Variants in FMNL2 observed in about 807,000 individuals in gnomAD.
FMNL2 encodes the protein formin-like protein 2.
FMNL2 carries 51 observed loss-of-function variants against 130.2 expected under a neutral mutation model. The observed-to-expected ratio is 0.39, with a 90% CI of 0.31 to 0.49. The LOEUF (loss-of-function observed/expected upper bound fraction) is 0.49, where lower values mean the gene tolerates loss of function less well. Ranked by LOEUF, FMNL2 falls within the 20% of genes least tolerant of loss-of-function variation. The probability of loss-of-function intolerance (pLI) is 0.85; values close to 1 mark genes in which losing one functional copy is unlikely to be tolerated. For synonymous variants in FMNL2, 465 were observed against 467.1 expected (o/e 1.00, Z 0.06); for missense variants, 977 against 1,316.2 (o/e 0.74, Z 3.99).
chr2:152,607,013 T>G (rs561128394), intron 9 of FMNL2, among the ~76,000 whole-genome samples: 202 of 131,378 alleles, frequency 1.5e-3, no homozygotes, highest in African/African-American at 5.5e-3. Flanking sequence ...TTTGTTTTTT[T>G]TTTTTTTTTT....
rs186985007 is a variant in FMNL2 at position 152,363,570 on chromosome 2, T to C, written c.117+27850T>C. Among the ~76,000 whole-genome samples, 5 of 151,884 alleles carry C rather than the reference T, an allele frequency of 3.3e-5. No individual in the cohort carries two copies. In the East Asian group the frequency reaches 5.8e-4, roughly 18 times the overall value. On this transcript the variant is annotated intron_variant, in intron 1 of 25. Coordinates refer to ENST00000288670, the MANE Select transcript of FMNL2 (RefSeq NM_052905.4). ...GTGAGTTTTTTTCTTTTCTTTTTTT[T>C]TTCCCCCCCAAGACAGAGTCTCGCT...
At chr2:152,356,453 T>C (rs376795305) in intron 1 of FMNL2, among the ~76,000 whole-genome samples, 4 of 152,348 alleles carry the variant, frequency 2.6e-5, no homozygotes, top group South Asian at 2.1e-4. Flanking sequence ...TTTTGAATTA[T>C]GTTCATTGAA....
chr2:152,359,584 T>C (rs930393953), intron 1 of FMNL2, among the ~76,000 whole-genome samples: 1 of 151,290 alleles, frequency 6.6e-6, no homozygotes, highest in African/African-American at 2.4e-5. Context: ...GCTGGGGCAG[T>C]GGTGAGACAG....
In FMNL2 at chr2:152,335,461, C is replaced by G. The variant is rs1336309338; in HGVS notation, c.-143C>G. 4.3e-6 allele frequency: 2 copies of G among 460,482 alleles called. No individual in the cohort carries two copies. The highest frequency in any genetic ancestry group is 7.1e-6 in the Non-Finnish European group (2 of 281,362). The allele number at this position is 460,482 out of a possible 1,614,324, so 28.5% of individuals were successfully genotyped here. A position where few individuals can be genotyped will look rare whatever the true frequency, so the allele number is the denominator to read the frequency against. ...AGCGCTGCTAGGGAGCGGTGCGCGC[C>G]GCACACCCGCCTGGGCGCGGCGGAG... On this transcript the variant is annotated 5_prime_UTR_variant, in exon 1 of 26. Coordinates refer to ENST00000288670, the MANE Select transcript of FMNL2 (RefSeq NM_052905.4).
chr2:152,606,455 G>T (rs1559002375), intron 9 of FMNL2, among the ~76,000 whole-genome samples: 1 of 152,142 alleles, frequency 6.6e-6, no homozygotes, highest in Non-Finnish European at 1.5e-5. Context: ...GGTGGTGCCT[G>T]CTTGTAGTCC....
At chr2:152,500,548 A>G (rs1389098051) in intron 1 of FMNL2, among the ~76,000 whole-genome samples, 1 of 152,120 alleles carries the variant, frequency 6.6e-6, no homozygotes, top group Non-Finnish European at 1.5e-5. Flanking sequence ...TATCCTAACA[A>G]TGCCTTAAAA....
intron 2 of FMNL2, among the ~76,000 whole-genome samples, chr2:152,523,473 A>G (rs1174705686): frequency 6.6e-6 from 1 of 152,250 alleles, no homozygotes; most frequent in Non-Finnish European, 1.5e-5. Context: ...ATCCTCACTG[A>G]AAAAAACTTA....
intron 9 of FMNL2, among the ~76,000 whole-genome samples, chr2:152,588,863 T>TGGG (rs1697229870): frequency 1.3e-5 from 2 of 152,104 alleles, no homozygotes; most frequent in Non-Finnish European, 2.9e-5. Context: ...ATTGACTCTA[T>TGGG]TAATAAAGAA....
intron 1 of FMNL2, among the ~76,000 whole-genome samples, chr2:152,458,616 A>G (rs1225484644): frequency 6.6e-6 from 1 of 152,184 alleles, no homozygotes; most frequent in Non-Finnish European, 1.5e-5. Flanking sequence ...CTATACCACC[A>G]TCCTAAAATA....
At chr2:152,427,502 G>C (rs1018298551) in intron 1 of FMNL2, among the ~76,000 whole-genome samples, 3 of 152,146 alleles carry the variant, frequency 2.0e-5, no homozygotes, top group Non-Finnish European at 4.4e-5. Flanking sequence ...TTGAGATCAT[G>C]CCACTGCACT....
At chr2:152,428,019 C>T (rs1687286768) in intron 1 of FMNL2, among the ~76,000 whole-genome samples, 1 of 152,138 alleles carries the variant, frequency 6.6e-6, no homozygotes, top group Admixed American at 6.5e-5. Context: ...GAAACTTTGC[C>T]ATTGTCTTTA....
intron 3 of FMNL2, among the ~76,000 whole-genome samples, chr2:152,543,681 T>C (rs1694444641): frequency 6.7e-6 from 1 of 149,340 alleles, no homozygotes; most frequent in African/African-American, 2.5e-5. Context: ...AATCTTTTTC[T>C]TTATCTTCTA....
intron 1 of FMNL2, among the ~76,000 whole-genome samples, chr2:152,480,439 G>A (rs1314856474): frequency 2.0e-5 from 3 of 151,874 alleles, no homozygotes; most frequent in Non-Finnish European, 4.4e-5. Flanking sequence ...GAACCAGCCT[G>A]GCCGACATGA....
rs189427444 is a variant in FMNL2 at position 152,518,917 on chromosome 2, G to A, written c.118-3026G>A. 1.0e-3 allele frequency among the ~76,000 whole-genome samples: 154 copies of A among 152,240 alleles called. 2 individuals carry two copies. Among genetic ancestry groups the A allele is most frequent in the South Asian group, 6.8e-3 (33 of 4,820 alleles). On this transcript the variant is annotated intron_variant, in intron 1 of 25. Coordinates refer to ENST00000288670, the MANE Select transcript of FMNL2 (RefSeq NM_052905.4). Reference sequence around the variant, plus strand: ...GCTTAAAAGCCTTCAATGGCTTCCCGTGGCACTTCAGATAAAATATATTGA... The same window carrying A: ...GCTTAAAAGCCTTCAATGGCTTCCCATGGCACTTCAGATAAAATATATTGA...
intron 23 of FMNL2, among the ~76,000 whole-genome samples, chr2:152,639,378 G>A (rs562142297): frequency 2.6e-5 from 4 of 152,246 alleles, no homozygotes; most frequent in South Asian, 2.1e-4. Flanking sequence ...AGGTCTCTTC[G>A]GGGAGGCCGG....
intron 4 of FMNL2, among the ~76,000 whole-genome samples, chr2:152,549,538 G>A (rs1302081028): frequency 6.6e-6 from 1 of 152,170 alleles, no homozygotes; most frequent in African/African-American, 2.4e-5. Flanking sequence ...CTGGAATAAT[G>A]TCACTTGACT....
chr2:152,406,128 T>G (rs1002651274), intron 1 of FMNL2, among the ~76,000 whole-genome samples: 5 of 143,506 alleles, frequency 3.5e-5, no homozygotes, highest in African/African-American at 1.3e-4. Flanking sequence ...ATTCCCTATG[T>G]CTATAAGTGT....
intron 1 of FMNL2, among the ~76,000 whole-genome samples, chr2:152,380,832 G>T: frequency 6.6e-6 from 1 of 152,160 alleles, no homozygotes; most frequent in Admixed American, 6.5e-5. Flanking sequence ...CTGTAAGACC[G>T]TTCTAGTTTA....
At position 152,615,004 on chromosome 2, in the gene FMNL2, A is replaced by T. The variant is rs1426764581; in HGVS notation, c.1212+4A>T. The T allele has an allele frequency of 1.1e-5, 18 of 1,606,942 alleles. No individual in the cohort carries two copies. Among genetic ancestry groups the T allele is most frequent in the Non-Finnish European group, 1.5e-5 (18 of 1,178,392 alleles). ...ACTGGAAGAAAACATTTCTCATGTA[A>T]CTATATCTCAGAAAAGGAAAAATTG... On this transcript the variant is annotated splice_donor_region_variant and intron_variant, in intron 12 of 25. Coordinates refer to ENST00000288670, the MANE Select transcript of FMNL2 (RefSeq NM_052905.4).
Sources: allele counts gnomAD v4.1 joint callset (sites outside exome capture counted in the v4.1 genomes callset), GRCh38; gene constraint gnomAD v4.1.1; transcripts MANE v1.5; gene names NCBI Gene and HGNC (gene_info 2026-07-23, HGNC 2026-07-21).